Variants in SCAPER observed in about 807,000 individuals in gnomAD.
The protein encoded by SCAPER is S phase cyclin A-associated protein in the endoplasmic reticulum.
Under a neutral mutation model 182.2 loss-of-function variants are expected in SCAPER, and 98 were observed. The ratio of observed to expected loss-of-function variants is 0.54; its 90% confidence interval spans 0.46 to 0.64. SCAPER has a LOEUF of 0.64. SCAPER is among the 30% of genes least tolerant of loss of function. The probability of loss-of-function intolerance (pLI) is 0.00; values close to 1 mark genes in which losing one functional copy is unlikely to be tolerated. For synonymous variants in SCAPER, 605 were observed against 564.6 expected, an observed-to-expected ratio of 1.07 and a Z score of -1.01; for missense variants, 1,432 against 1,690.0, an observed-to-expected ratio of 0.85 and a Z score of 2.68.
At chr15:76,793,251 T>C in intron 8 of SCAPER, 4 of 1,076,426 alleles carry the variant, frequency 3.7e-6, no homozygotes, top group South Asian at 2.7e-5. Flanking sequence ...TTGCAAAATA[T>C]ATATTTGGTC....
At chr15:76,370,109 T>C (rs897352398) in intron 29 of SCAPER, among the ~76,000 whole-genome samples, 3 of 151,988 alleles carry the variant, frequency 2.0e-5, no homozygotes, top group Admixed American at 6.6e-5. Context: ...AAGGAAGGTA[T>C]GGAAAACCAC....
intron 24 of SCAPER, among the ~76,000 whole-genome samples, chr15:76,479,188 G>A (rs1373604310): frequency 2.0e-5 from 3 of 152,084 alleles, no homozygotes; most frequent in Admixed American, 6.5e-5. Flanking sequence ...GGAGGGAACC[G>A]AAAAACTCAG....
intron 25 of SCAPER, among the ~76,000 whole-genome samples, chr15:76,442,147 A>G (rs2047658556): frequency 6.6e-6 from 1 of 152,104 alleles, no homozygotes. Context: ...TTTGCACGCA[A>G]AATCCTTCTC....
intron 23 of SCAPER, among the ~76,000 whole-genome samples, chr15:76,560,803 C>T (rs2046559754): frequency 6.6e-6 from 1 of 152,120 alleles, no homozygotes; most frequent in South Asian, 2.1e-4. Context: ...GGATATACAC[C>T]TAGCACTAGA....
At chr15:76,693,449 G>T (rs1032618745) in intron 20 of SCAPER, among the ~76,000 whole-genome samples, 11 of 152,070 alleles carry the variant, frequency 7.2e-5, no homozygotes, top group Non-Finnish European at 8.8e-5. Flanking sequence ...ATTAAACACA[G>T]AATCATCATA....
At chr15:76,585,476 C>G (rs970901212) in intron 22 of SCAPER, among the ~76,000 whole-genome samples, 3 of 152,144 alleles carry the variant, frequency 2.0e-5, no homozygotes, top group African/African-American at 4.8e-5. Flanking sequence ...GTAGCCACTT[C>G]AGCTTTTGGC....
At chr15:76,561,716 C>CA (rs2046638563) in intron 23 of SCAPER, among the ~76,000 whole-genome samples, 1 of 146,198 alleles carries the variant, frequency 6.8e-6, no homozygotes, top group Non-Finnish European at 1.5e-5. Flanking sequence ...CTCTACCTCA[C>CA]TTTTTTTTTT....
At chr15:76,486,400 A>T (rs1262677870) in intron 24 of SCAPER, among the ~76,000 whole-genome samples, 1 of 152,210 alleles carries the variant, frequency 6.6e-6, no homozygotes, top group Admixed American at 6.5e-5. Flanking sequence ...CTGCACAGCA[A>T]AAGAAACTCA....
chr15:76,558,765 C>G (rs1437601276), intron 23 of SCAPER, among the ~76,000 whole-genome samples: 1 of 152,046 alleles, frequency 6.6e-6, no homozygotes, highest in Non-Finnish European at 1.5e-5. Context: ...GACATGGACT[C>G]AATCCAGGTG....
At chr15:76,609,976 G>A (rs931481672) in intron 22 of SCAPER, among the ~76,000 whole-genome samples, 1 of 152,076 alleles carries the variant, frequency 6.6e-6, no homozygotes, top group Non-Finnish European at 1.5e-5. Context: ...AACCCCAGAA[G>A]GTTAGGCTCT....
chr15:76,829,609 A>G lies in SCAPER; in HGVS notation c.393+12125T>C, dbSNP rs138963977. Among the ~76,000 whole-genome samples, 984 of 152,174 alleles carry G rather than the reference A, an allele frequency of 6.5e-3. 3 individuals carry two copies. The highest frequency in any genetic ancestry group is 0.014 in the Middle Eastern group (4 of 294). ...ACTCCTTTTACTCTATTGAAATCCCAATGCATCTGCTTGAAGAACATTAGC... is the reference window on the plus strand; with the variant it reads ...ACTCCTTTTACTCTATTGAAATCCCGATGCATCTGCTTGAAGAACATTAGC... On this transcript the variant is annotated intron_variant, in intron 5 of 31. Coordinates refer to ENST00000563290, the MANE Select transcript of SCAPER (RefSeq NM_020843.4).
chr15:76,566,984 T>C (rs897641595), intron 23 of SCAPER, among the ~76,000 whole-genome samples: 2 of 152,084 alleles, frequency 1.3e-5, no homozygotes, highest in Non-Finnish European at 2.9e-5. Context: ...TATATGACTC[T>C]TTCTGATCAC....
At chr15:76,618,634 C>T (rs528152683) in intron 22 of SCAPER, among the ~76,000 whole-genome samples, 196 of 151,978 alleles carry the variant, frequency 1.3e-3, no homozygotes, top group African/African-American at 4.5e-3. Context: ...TCTTCTGTGA[C>T]ACGATTATTC....
intron 23 of SCAPER, among the ~76,000 whole-genome samples, chr15:76,520,697 G>T (rs2042768664): frequency 6.6e-6 from 1 of 152,058 alleles, no homozygotes; most frequent in Non-Finnish European, 1.5e-5. Context: ...GCATGAGGTT[G>T]ATACAATTAC....
At position 76,545,509 on chromosome 15, in the gene SCAPER, C is replaced by T. The variant is rs143939571; in HGVS notation, c.2838+28649G>A. ...GAGAAAAATATATCATCAATTCCAC[C>T]TCTGGCCATTGAGAGTAACTGGGAC... On this transcript the variant is annotated intron_variant, in intron 23 of 31. Transcript: ENST00000563290. Among the ~76,000 whole-genome samples, 250 of 152,264 alleles carry T rather than the reference C, an allele frequency of 1.6e-3. 3 individuals carry two copies. The highest frequency in any genetic ancestry group is 4.3e-4 in the Non-Finnish European group (29 of 68,014).
intron 25 of SCAPER, among the ~76,000 whole-genome samples, chr15:76,450,618 A>G (rs1185198628): frequency 2.0e-5 from 3 of 152,090 alleles, no homozygotes; most frequent in Non-Finnish European, 4.4e-5. Flanking sequence ...CAGTAGCCCA[A>G]TCTCGGCTCA....
chr15:76,781,317 AAGG>A (rs1340758037), intron 8 of SCAPER, among the ~76,000 whole-genome samples: 3 of 152,202 alleles, frequency 2.0e-5, no homozygotes, highest in Admixed American at 6.5e-5. Flanking sequence ...AATAAAACGA[AAGG>A]AGAAGACAAG....
chr15:76,702,342 C>T (rs1285329235), intron 19 of SCAPER, among the ~76,000 whole-genome samples: 1 of 152,012 alleles, frequency 6.6e-6, no homozygotes, highest in Non-Finnish European at 1.5e-5. Context: ...TTAATAGTAA[C>T]TATATTCTTG....
In SCAPER at chr15:76,861,720, C is replaced by T. The variant is rs188742343; in HGVS notation, c.124+696G>A. 409 of 152,122 alleles carry T rather than the reference C, an allele frequency of 2.7e-3. 1 individual carries two copies. Among genetic ancestry groups the T allele is most frequent in the African/African-American group, 9.5e-3 (396 of 41,498 alleles). 9.4% of individuals were successfully genotyped at this position (152,122 alleles called of 1,614,324 possible). A position where few individuals can be genotyped will look rare whatever the true frequency, so the allele number is the denominator to read the frequency against. The stretch of plus-strand genomic sequence containing the variant: ...GGTAAATATGATTTTTAAAAAACCT[C>T]CTTTTATTTTTATAAGAATTTAATA... On this transcript the variant is annotated intron_variant, in intron 3 of 31. Transcript: ENST00000563290.
Sources: allele counts gnomAD v4.1 joint callset (sites outside exome capture counted in the v4.1 genomes callset), GRCh38; gene constraint gnomAD v4.1.1; transcripts MANE v1.5; gene names NCBI Gene and HGNC (gene_info 2026-07-23, HGNC 2026-07-21).